The following GRIN2C variants were observed in gnomAD, a reference collection of about 807,000 sequenced individuals.
GRIN2C encodes the protein glutamate ionotropic receptor NMDA type subunit 2C, also known as glutamate receptor ionotropic, NMDA 2C.
GRIN2C carries 64 observed loss-of-function variants against 77.7 expected under a neutral mutation model. That is an observed-to-expected ratio of 0.82 (90% CI 0.67 to 1.01). The LOEUF is 1.01. Ranked by LOEUF, GRIN2C falls within the 50% of genes least tolerant of loss-of-function variation. GRIN2C has a pLI of 0.00. For synonymous variants in GRIN2C, 792 were observed against 643.4 expected, an observed-to-expected ratio of 1.23 and a Z score of -3.49; for missense variants, 1,549 against 1,486.0, an observed-to-expected ratio of 1.04 and a Z score of -0.70.
rs145947825 is a variant in GRIN2C at position 74,849,923 on chromosome 17, T to C, written c.1502A>G (p.Lys501Arg). Residue 501 changes from lysine (K) to arginine (R), a missense_variant, in exon 7 of 13, where the codon AAG (lysine) becomes AGG (arginine). Around this residue, in one of 3 missense-constraint regions of GRIN2C, gnomAD observed 717 missense variants for 858.1 expected, o/e 0.84. Coordinates refer to ENST00000293190, the MANE Select transcript of GRIN2C (RefSeq NM_000835.6). The surrounding 1 kb of genome is among the most constrained non-coding windows in gnomAD (Gnocchi z 4.6). ...GGAGCCGATGGCCATGTCTGCCCGC[T>C]TGTAGTACACCTGGGGGCCGGACGC... Reference protein sequence around the residue: ...WNGMIGEVYYKRADMAIGSLT... With the variant: ...WNGMIGEVYYRRADMAIGSLT... 8.7e-6 allele frequency: 14 copies of C among 1,612,868 alleles called. No individual in the cohort carries two copies. Among genetic ancestry groups the C allele is most frequent in the Non-Finnish European group, 1.2e-5 (14 of 1,179,652 alleles).
Position 74,849,855 on chromosome 17 carries a change from C to T in GRIN2C, c.1570G>A (p.Val524Ile). Residue 524 changes from valine (V) to isoleucine (I), a missense_variant, in exon 7 of 13, where the codon GTA becomes ATA. Physicochemically the swap from Val to Ile is conservative, Grantham distance 29. Transcript: ENST00000293190. The surrounding 1 kb of genome is among the most constrained non-coding windows in gnomAD (Gnocchi z 4.6). ...CTGATGCCCGTCTCCACAAAGGGTACAGAGAAGTCTACGATCTCGGAGCGT... is the reference window on the plus strand; with the variant it reads ...CTGATGCCCGTCTCCACAAAGGGTATAGAGAAGTCTACGATCTCGGAGCGT... ...EERSEIVDFS[V>I]PFVETGISVM... 2 of 1,613,624 alleles carry T rather than the reference C, an allele frequency of 1.2e-6. No homozygotes were observed. The highest frequency in any genetic ancestry group is 1.7e-6 in the Non-Finnish European group (2 of 1,179,852).
Position 74,850,621 on chromosome 17 carries a change from G to C in GRIN2C, c.1260C>G (p.Asp420Glu). 2 of 1,613,656 alleles carry C rather than the reference G, an allele frequency of 1.2e-6. No homozygotes were observed. Among genetic ancestry groups the C allele is most frequent in the Non-Finnish European group, 1.7e-6 (2 of 1,180,008 alleles). Residue 420 changes from aspartate to glutamate, a missense_variant, in exon 5 of 13, where the codon GAC becomes GAG. This residue lies in a region of GRIN2C where 717 missense variants were observed against 858.1 expected (regional missense o/e 0.84). Transcript: ENST00000293190. The surrounding 1 kb of genome is among the most constrained non-coding windows in gnomAD (Gnocchi z 5.3). ...ERPFVIVESP[D>E]PGTGGCVPNT... The stretch of plus-strand genomic sequence containing the variant: ...TGGGGACACAGCCTCCTGTGCCAGG[G>C]TCAGGGCTCTCCACGATGACAAAGG...
Position 74,844,431 on chromosome 17 carries a change from G to C in GRIN2C, c.2428C>G (p.Leu810Val). 6.2e-7 allele frequency: 1 copy of C among 1,614,232 alleles called. No individual in the cohort carries two copies. Among genetic ancestry groups the C allele is most frequent in the South Asian group, 1.1e-5 (1 of 91,088 alleles). ...NEKNEVMSSKLDIDNMAGVFY... is the reference protein window; with the variant it reads ...NEKNEVMSSKVDIDNMAGVFY... ...ACGCCTGCCATGTTGTCGATGTCCA[G>C]CTTGCTGCTCATCACCTCGTTCTTC... is the stretch of plus-strand genomic sequence containing the variant. Residue 810 changes from leucine to valine, a missense_variant, in exon 12 of 13, where the codon CTG becomes GTG. By Grantham distance (32) the Leu-to-Val change is conservative (BLOSUM62 1). Transcript: ENST00000293190.
chr17:74,844,062 T>C (rs931096501), intron 12 of GRIN2C: 1 of 921,386 alleles, frequency 1.1e-6, no homozygotes, highest in African/African-American at 1.7e-5. Flanking sequence ...TCTGTAGAGA[T>C]GGGTTTTCGC....
In GRIN2C at chr17:74,859,585, G is replaced by C. The variant is rs2037903452; in HGVS notation, c.-16+159C>G. On this transcript the variant is annotated intron_variant, in intron 1 of 12. Coordinates refer to ENST00000293190, the MANE Select transcript of GRIN2C (RefSeq NM_000835.6). This position sits in a 1 kb window ranked among gnomAD's most constrained non-coding sequence, Gnocchi z 5.9. ...TTTGCCCAGCCAAAACCCGAACCCAGGCGCCAGGGGAGAGGACCGCCGTTC... is the reference window on the plus strand; with the variant it reads ...TTTGCCCAGCCAAAACCCGAACCCACGCGCCAGGGGAGAGGACCGCCGTTC... Among the ~76,000 whole-genome samples, 2 of 151,526 alleles carry C rather than the reference G, an allele frequency of 1.3e-5. No homozygotes were observed. The highest frequency in any genetic ancestry group is 2.1e-4 in the South Asian group (1 of 4,800).
upstream of GRIN2C, chr17:74,860,780 G>A (rs1184127279): frequency 2.9e-5 from 10 of 342,002 alleles, no homozygotes; most frequent in Non-Finnish European, 5.8e-5. Flanking sequence ...GTCGCAGGAA[G>A]GAGAGAGCTA....
Position 74,842,782 on chromosome 17 carries a change from G to T in GRIN2C, c.3355C>A (p.Gln1119Lys). The change falls in exon 13 of 13, where the codon CAG (glutamine) becomes AAG (lysine). Residue 1119 changes from glutamine to lysine, a missense_variant. Coordinates refer to ENST00000293190, the MANE Select transcript of GRIN2C (RefSeq NM_000835.6). The part of the protein sequence containing the change: ...DGHSACRRLA[Q>K]AQSMCLPIYR... ...ATCGGCAAGCACATCGACTGCGCCT[G>T]CGCCAAGCGCCTGCAGGCCGAGTGG... 1.5e-6 allele frequency: 1 copy of T among 656,640 alleles called. No homozygotes were observed. The highest frequency in any genetic ancestry group is 2.7e-6 in the Non-Finnish European group (1 of 364,212). 40.7% of individuals were successfully genotyped at this position (656,640 alleles called of 1,614,324 possible).
At position 74,842,999 on chromosome 17, in the gene GRIN2C, G is replaced by GGGCTCCGGA. The variant is rs2144535586; in HGVS notation, c.3137_3138insTCCGGAGCC (p.Glu1048_Leu1049insProProGlu). On this transcript the variant is annotated inframe_insertion, in exon 13 of 13. Transcript: ENST00000293190. ...GCAGCGGCAGGTCCTCCAGCTCCGG[G>GGGCTCCGGA]AAGAGCGGGAGGAAGGGGCGGCCGG... is the stretch of plus-strand genomic sequence containing the variant. 2 of 520,040 alleles carry GGGCTCCGGA rather than the reference G, an allele frequency of 3.8e-6. No individual in the cohort carries two copies. The highest frequency in any genetic ancestry group is 4.8e-4 in the Middle Eastern group (1 of 2,078). The allele number at this position is 520,040 out of a possible 1,614,324, so 32.2% of individuals were successfully genotyped here. A position where few individuals can be genotyped will look rare whatever the true frequency, so the allele number is the denominator to read the frequency against.
At position 74,850,475 on chromosome 17, in the gene GRIN2C, C is replaced by T. The variant is rs1189781395; in HGVS notation, c.1325+81G>A. ...TGGCACGTGGACCCCTGCCCCACAC[C>T]CAAGCATGGGACATACACGACACCT... is the stretch of plus-strand genomic sequence containing the variant. On this transcript the variant is annotated intron_variant, in intron 5 of 12. Transcript: ENST00000293190. This position sits in a 1 kb window ranked among gnomAD's most constrained non-coding sequence, Gnocchi z 5.3. The T allele has an allele frequency of 7.6e-6, 12 of 1,569,250 alleles. No individual in the cohort carries two copies. The highest frequency in any genetic ancestry group is 2.2e-5 in the South Asian group (2 of 90,108).
In GRIN2C at chr17:74,846,998, G is replaced by C. The variant is rs538004224; in HGVS notation, c.2002-78C>G. 1.8e-5 allele frequency: 26 copies of C among 1,474,300 alleles called. No homozygotes were observed. The highest frequency in any genetic ancestry group is 2.8e-5 in the African/African-American group (2 of 72,228). 91.3% of individuals were successfully genotyped at this position (1,474,300 alleles called of 1,614,324 possible). A position where few individuals can be genotyped will look rare whatever the true frequency, so the allele number is the denominator to read the frequency against. ...ACCAAAGCCCCAAACCCACCCCAGA[G>C]CCCAGCCCCAGTGTGGACTTGCATA... On this transcript the variant is annotated intron_variant, in intron 9 of 12. Transcript: ENST00000293190. The surrounding 1 kb of genome is among the most constrained non-coding windows in gnomAD (Gnocchi z 4.4).
In GRIN2C at chr17:74,843,482, C is replaced by T. The variant is rs979062798; in HGVS notation, c.2655G>A (p.Thr885=). 12 of 1,533,964 alleles carry T rather than the reference C, an allele frequency of 7.8e-6. No homozygotes were observed. In the African/African-American group the frequency reaches 1.4e-4, roughly 18 times the overall value. The part of the protein sequence containing the change: ...SPPRQASPDL[T]ASSAQASVLK... ...GCACGCTGGCCTGGGCCGAGCTGGCCGTGAGGTCCGGGCTGGCCTGCCGCG... is the reference window on the plus strand; with the variant it reads ...GCACGCTGGCCTGGGCCGAGCTGGCTGTGAGGTCCGGGCTGGCCTGCCGCG... The change falls in exon 13 of 13, where the codon ACG becomes ACA. Residue 885 remains threonine, a synonymous_variant. Transcript: ENST00000293190.
Position 74,852,466 on chromosome 17 carries a change from A to T in GRIN2C, c.545T>A (p.Val182Glu), listed in dbSNP as rs778467814. 7 of 1,554,000 alleles carry T rather than the reference A, an allele frequency of 4.5e-6. No homozygotes were observed. The change falls in exon 3 of 13, where the codon GTG becomes GAG. Residue 182 changes from valine to glutamate, a missense_variant. Val to Glu is a moderately radical substitution (Grantham distance 121). Around this residue, in one of 3 missense-constraint regions of GRIN2C, gnomAD observed 382 missense variants for 360.0 expected, o/e 1.06. Transcript: ENST00000293190. ...HPGHALFLEGVRAVADASHVS... is the reference protein window; with the variant it reads ...HPGHALFLEGERAVADASHVS... ...GTGGCTGGCGTCGGCGACGGCGCGC[A>T]CGCCCTCCAGGAAGAGCGCGTGGCC...
rs1360295697 is a variant in GRIN2C, at chr17:74,859,758, G to A, written c.-30C>T. The A allele has an allele frequency of 6.5e-6, 1 of 152,818 alleles. No individual in the cohort carries two copies. The highest frequency in any genetic ancestry group is 1.9e-4 in the East Asian group (1 of 5,184). The allele number at this position is 152,818 out of a possible 1,614,324, so 9.5% of individuals were successfully genotyped here. A position where few individuals can be genotyped will look rare whatever the true frequency, so the allele number is the denominator to read the frequency against. On this transcript the variant is annotated 5_prime_UTR_variant, in exon 1 of 13. Transcript: ENST00000293190. The surrounding 1 kb of genome is among the most constrained non-coding windows in gnomAD (Gnocchi z 5.9). ...CAATCTCTTACACTCGGGCTGTGAA[G>A]TTCGGGGTATTTTTAGGCCGGCGAT...
Position 74,854,833 on chromosome 17 carries a change from G to C in GRIN2C, c.260C>G (p.Ala87Gly). 1 of 1,614,000 alleles carries C rather than the reference G, an allele frequency of 6.2e-7. No individual in the cohort carries two copies. The highest frequency in any genetic ancestry group is 8.5e-7 in the Non-Finnish European group (1 of 1,179,904). Residue 87 changes from alanine (A) to glycine (G), a missense_variant, in exon 2 of 13, where the codon GCT becomes GGT. Ala to Gly is a moderately conservative substitution (Grantham distance 60). Coordinates refer to ENST00000293190, the MANE Select transcript of GRIN2C (RefSeq NM_000835.6). ...AAAGACAATGCCGTGGACGTGGGCA[G>C]CACCCAGGAGGCCGCAGATCTGGGT... ...LLTQICGLLG[A>G]AHVHGIVFED...
intron 1 of GRIN2C, among the ~76,000 whole-genome samples, chr17:74,856,032 C>G (rs1427159265): frequency 6.6e-6 from 1 of 152,246 alleles, no homozygotes. Flanking sequence ...CGGGCCATCA[C>G]TGGCGTGCAG....
Position 74,846,790 on chromosome 17 carries a change from A to G in GRIN2C, c.2132T>C (p.Val711Ala). The change falls in exon 10 of 13, where the codon GTG becomes GCG. Residue 711 changes from valine (V) to alanine (A), a missense_variant. By Grantham distance (64) the Val-to-Ala change is moderately conservative. This residue lies in a region of GRIN2C where 717 missense variants were observed against 858.1 expected (regional missense o/e 0.84). Coordinates refer to ENST00000293190, the MANE Select transcript of GRIN2C (RefSeq NM_000835.6). The surrounding 1 kb of genome is among the most constrained non-coding windows in gnomAD (Gnocchi z 4.4). ...THMVKFNQRS[V>A]EDALTSLKMG... ...CTTGAGGCTGGTGAGCGCGTCCTCC[A>G]CCGAGCGCTGGTTGAACTTGACCAT... 6.2e-7 allele frequency: 1 copy of G among 1,614,012 alleles called. No homozygotes were observed. The highest frequency in any genetic ancestry group is 8.5e-7 in the Non-Finnish European group (1 of 1,179,996).
rs780165386 is a variant in GRIN2C, at chr17:74,854,701, G to A, written c.392C>T (p.Thr131Ile). The A allele has an allele frequency of 2.5e-6, 4 of 1,605,980 alleles. No homozygotes were observed. The highest frequency in any genetic ancestry group is 4.5e-5 in the East Asian group (2 of 44,598). Residue 131 changes from threonine to isoleucine, a missense_variant, in exon 2 of 13, where the codon ACC becomes ATC. Coordinates refer to ENST00000293190, the MANE Select transcript of GRIN2C (RefSeq NM_000835.6). ...SISGGSAVVL[T>I]PKEPGSAFLQ... is the part of the protein sequence containing the mutation. ...ATGAGTTTGGACATGCACCTTGGGG[G>A]TGAGGACCACAGCAGAGCCTCCGCT...
intron 2 of GRIN2C, 42 bp downstream of exon 2, chr17:74,854,652 T>C (rs1331232395): frequency 6.4e-7 from 1 of 1,562,248 alleles, no homozygotes; most frequent in East Asian, 2.3e-5. Flanking sequence ...CCAGCCTGGT[T>C]CCAGGCCTGA....
Position 74,844,449 on chromosome 17 carries a change from C to T in GRIN2C, c.2410G>A (p.Glu804Lys). The T allele has an allele frequency of 6.2e-7, 1 of 1,614,226 alleles. No homozygotes were observed. The change falls in exon 12 of 13, where the codon GAG (glutamate) becomes AAG (lysine). Residue 804 changes from glutamate (E) to lysine (K), a missense_variant. Coordinates refer to ENST00000293190, the MANE Select transcript of GRIN2C (RefSeq NM_000835.6). ...ATGTCCAGCTTGCTGCTCATCACCT[C>T]GTTCTTCTCATTCTGGCAGATCCCT... is the stretch of plus-strand genomic sequence containing the variant. ...LSGICQNEKNEVMSSKLDIDN... is the reference protein window; with the variant it reads ...LSGICQNEKNKVMSSKLDIDN...
Sources: gnomAD v4.1 joint callset for allele counts (sites outside exome capture counted in the v4.1 genomes callset) on GRCh38, gnomAD v4.1.1 for gene constraint, gnomAD v4.1.1 regional missense constraint, Gnocchi (gnomAD v3.1) non-coding constraint, MANE v1.5 for transcripts, NCBI Gene and HGNC (gene_info 2026-07-23, HGNC 2026-07-21) for gene names.